The following IKZF1 variants were observed in gnomAD, a reference collection of about 807,000 sequenced individuals.
The protein encoded by IKZF1 is IKAROS family zinc finger 1, also known as DNA-binding protein Ikaros.
In IKZF1, 10 loss-of-function variants were observed where a neutral mutation model predicts 51.7. The observed-to-expected ratio is 0.19, with a 90% confidence interval of 0.12 to 0.33. The LOEUF (loss-of-function observed/expected upper bound fraction) is 0.33. IKZF1 is among the 10% of genes least tolerant of loss of function. The pLI, the probability that IKZF1 is intolerant of heterozygous loss-of-function variation, is 1.00. For missense variants in IKZF1, 484 were observed against 707.5 expected (o/e 0.68, Z 3.58); for synonymous variants, 280 against 282.3 (o/e 0.99, Z 0.08).
chr7:50,368,352 T>C, intron 3 of IKZF1: 1 of 698,198 alleles, frequency 1.4e-6, no homozygotes, highest in Non-Finnish European at 2.6e-6. Context: ...GCTGGACAGC[T>C]TTGAGATTAC....
intron 3 of IKZF1, among the ~76,000 whole-genome samples, chr7:50,346,008 C>A (rs1800270398): frequency 6.6e-6 from 1 of 152,238 alleles, no homozygotes; most frequent in Non-Finnish European, 1.5e-5. Context: ...GTGGGATGCA[C>A]TGACTGCAGT....
chr7:50,373,214 C>T (rs1809233999), intron 3 of IKZF1, among the ~76,000 whole-genome samples: 1 of 152,238 alleles, frequency 6.6e-6, no homozygotes, highest in Non-Finnish European at 1.5e-5. Context: ...AACCGGTGTT[C>T]CTGAAGCCAG....
chr7:50,376,215 T>C lies in IKZF1; in HGVS notation c.161-318T>C, dbSNP rs1810245285. 6.6e-6 allele frequency among the ~76,000 whole-genome samples: 1 copy of C among 152,160 alleles called. No homozygotes were observed. The highest frequency in any genetic ancestry group is 6.5e-5 in the Admixed American group (1 of 15,280). On this transcript the variant is annotated intron_variant, in intron 3 of 7. Transcript: ENST00000331340. The surrounding 1 kb of genome is among the most constrained non-coding windows in gnomAD (Gnocchi z 4.5). ...AGACCACTCCTGACGTGAACCTGCT[T>C]AAAGTGAGGGCCCAATTCTAAAGTG...
chr7:50,388,969 CAT>C (rs1814211414), intron 6 of IKZF1, among the ~76,000 whole-genome samples: 1 of 152,166 alleles, frequency 6.6e-6, no homozygotes, highest in African/African-American at 2.4e-5. Context: ...CTAATATACA[CAT>C]AGAATTGAAA....
chr7:50,363,010 C>A (rs779898394), intron 3 of IKZF1, among the ~76,000 whole-genome samples: 2 of 152,102 alleles, frequency 1.3e-5, no homozygotes, highest in Admixed American at 1.3e-4. Context: ...AGAATGGAGA[C>A]CTCTCCAAAG....
At position 50,401,078 on chromosome 7, in the gene IKZF1, G is replaced by A. The variant is rs1424547734; in HGVS notation, c.*451G>A. Reference sequence around the variant, plus strand: ...AAGCAGAGAGCACAGCCCCTGCTGTGTGGGTCTGCAGGTGAGCAGACAGGA... The same window carrying A: ...AAGCAGAGAGCACAGCCCCTGCTGTATGGGTCTGCAGGTGAGCAGACAGGA... On this transcript the variant is annotated 3_prime_UTR_variant, in exon 8 of 8. Transcript: ENST00000331340. 3.4e-6 allele frequency: 1 copy of A among 291,174 alleles called. No individual in the cohort carries two copies. The highest frequency in any genetic ancestry group is 2.2e-5 in the African/African-American group (1 of 45,722). 18.0% of individuals were successfully genotyped at this position (291,174 alleles called of 1,614,324 possible). A position where few individuals can be genotyped will look rare whatever the true frequency, so the allele number is the denominator to read the frequency against.
chr7:50,305,206 G>A (rs1055189981), intron 1 of IKZF1, among the ~76,000 whole-genome samples: 2 of 152,162 alleles, frequency 1.3e-5, no homozygotes, highest in Non-Finnish European at 2.9e-5. Flanking sequence ...AATTTATGTA[G>A]ACCTACATAT....
chr7:50,392,099 C>G (rs1287578026), intron 7 of IKZF1, among the ~76,000 whole-genome samples: 1 of 152,216 alleles, frequency 6.6e-6, no homozygotes, highest in Non-Finnish European at 1.5e-5. Flanking sequence ...GGGGCCTGCC[C>G]TGTGATCTGC....
chr7:50,384,513 C>T (rs1417665440), intron 5 of IKZF1, among the ~76,000 whole-genome samples: 1 of 152,250 alleles, frequency 6.6e-6, no homozygotes, highest in Non-Finnish European at 1.5e-5. Context: ...GAGTGGGACA[C>T]TTGCCTTGTT....
At chr7:50,365,771 T>C (rs575922439) in intron 3 of IKZF1, among the ~76,000 whole-genome samples, 1 of 152,224 alleles carries the variant, frequency 6.6e-6, no homozygotes. Context: ...ATCCCATTAC[T>C]GCATATATAC....
chr7:50,363,662 T>C (rs1356107496), intron 3 of IKZF1, among the ~76,000 whole-genome samples: 2 of 152,186 alleles, frequency 1.3e-5, no homozygotes, highest in Non-Finnish European at 2.9e-5. Flanking sequence ...AGTGTTCTCT[T>C]CCCATGAGAA....
intron 7 of IKZF1, among the ~76,000 whole-genome samples, chr7:50,394,618 A>G (rs1206174822): frequency 6.6e-6 from 1 of 152,206 alleles, no homozygotes; most frequent in Non-Finnish European, 1.5e-5. Context: ...TCTGAGGCTC[A>G]GAAGGGGTGA....
intron 1 of IKZF1, among the ~76,000 whole-genome samples, chr7:50,308,199 A>G (rs770468325): frequency 9.0e-4 from 137 of 152,262 alleles, no homozygotes; most frequent in Non-Finnish European, 5.7e-4. Flanking sequence ...GAAGGTTTGC[A>G]GAAGGTTTTT....
intron 1 of IKZF1, among the ~76,000 whole-genome samples, chr7:50,317,728 T>C (rs1482487990): frequency 6.6e-6 from 1 of 152,150 alleles, no homozygotes; most frequent in Non-Finnish European, 1.5e-5. Context: ...ATTCCTGAAA[T>C]TGAAAATACA....
At chr7:50,305,913 G>A (rs546322811) in intron 1 of IKZF1, among the ~76,000 whole-genome samples, 1 of 152,080 alleles carries the variant, frequency 6.6e-6, no homozygotes, top group Non-Finnish European at 1.5e-5. Context: ...GTCGAGGGGT[G>A]GGGGGGACCC....
At chr7:50,378,424 A>G (rs1287882057) in intron 4 of IKZF1, among the ~76,000 whole-genome samples, 1 of 152,214 alleles carries the variant, frequency 6.6e-6, no homozygotes, top group Non-Finnish European at 1.5e-5. Context: ...CTACCCTGTG[A>G]TAGACACTTA....
At chr7:50,383,332 T>A (rs1218005625) in intron 5 of IKZF1, among the ~76,000 whole-genome samples, 2 of 152,200 alleles carry the variant, frequency 1.3e-5, no homozygotes, top group African/African-American at 4.8e-5. Flanking sequence ...ATCTGGAGTC[T>A]TGACAAGATC....
chr7:50,316,958 G>A (rs1028293614), intron 1 of IKZF1, among the ~76,000 whole-genome samples: 1 of 152,190 alleles, frequency 6.6e-6, no homozygotes, highest in African/African-American at 2.4e-5. Context: ...ATGGTGGTGT[G>A]TATTTGTTAA....
intron 3 of IKZF1, among the ~76,000 whole-genome samples, chr7:50,355,511 G>A (rs1473009856): frequency 6.6e-6 from 1 of 152,164 alleles, no homozygotes; most frequent in Non-Finnish European, 1.5e-5. Context: ...TGGAAACCCT[G>A]TGCCCACTGG....
Sources: gnomAD v4.1 joint callset for allele counts (sites outside exome capture counted in the v4.1 genomes callset) on GRCh38, gnomAD v4.1.1 for gene constraint, Gnocchi (gnomAD v3.1) non-coding constraint, MANE v1.5 for transcripts, NCBI Gene and HGNC (gene_info 2026-07-23, HGNC 2026-07-21) for gene names.